Variants in ARPC1A observed in about 807,000 individuals in gnomAD.
ARPC1A encodes actin related protein 2/3 complex subunit 1A, also known as actin-related protein 2/3 complex subunit 1A.
ARPC1A carries 8 observed loss-of-function variants against 46.9 expected under a neutral mutation model. The ratio of observed to expected loss-of-function variants is 0.17; its 90% CI spans 0.10 to 0.31. The LOEUF is 0.31. ARPC1A is among the 10% of genes least tolerant of loss of function. ARPC1A has a pLI of 1.00. For synonymous variants in ARPC1A, 152 were observed against 169.0 expected, an observed-to-expected ratio of 0.90 and a Z score of 0.78; for missense variants, 286 against 483.6, an observed-to-expected ratio of 0.59 and a Z score of 3.83.
Position 99,340,603 on chromosome 7 carries a change from C to T in ARPC1A, c.169+2318C>T, listed in dbSNP as rs991059003. Among the ~76,000 whole-genome samples, 7 of 152,238 alleles carry T rather than the reference C, an allele frequency of 4.6e-5. No homozygotes were observed. The South Asian group carries it at 6.2e-4, about 13-fold the overall frequency. On this transcript the variant is annotated intron_variant, in intron 3 of 9. Transcript: ENST00000262942. ...TACTAAAGGTGTGCGCCAGCACACC[C>T]GGCTAATTTTTTTGTAAAGATAGAT...
At chr7:99,348,634 G>A (rs1026193797) in intron 4 of ARPC1A, among the ~76,000 whole-genome samples, 5 of 152,176 alleles carry the variant, frequency 3.3e-5, no homozygotes, top group African/African-American at 4.8e-5. Context: ...ACAGAAGAAC[G>A]TTGAATGCTC....
At chr7:99,342,386 C>T (rs28552500) in intron 3 of ARPC1A, among the ~76,000 whole-genome samples, 1 of 151,968 alleles carries the variant, frequency 6.6e-6, no homozygotes, top group Non-Finnish European at 1.5e-5. Context: ...AACCCCATCT[C>T]TACAAAAAAT....
In ARPC1A at chr7:99,348,922, G is replaced by A. The variant is rs751088038; in HGVS notation, c.463G>A (p.Val155Ile). ...CAGCTTGGATTGGCATCCCAACAAC[G>A]TTTTGCTGGCAGCAGGATCATGTGA... ...VLSLDWHPNN[V>I]LLAAGSCDFK... The change falls in exon 5 of 10, where the codon GTT (valine) becomes ATT (isoleucine). Residue 155 changes from valine (V) to isoleucine (I), a missense_variant. Physicochemically the swap from Val to Ile is conservative, Grantham distance 29 (BLOSUM62 3). Coordinates refer to ENST00000262942, the MANE Select transcript of ARPC1A (RefSeq NM_006409.4). The A allele has an allele frequency of 7.4e-6, 12 of 1,613,994 alleles. No individual in the cohort carries two copies. The highest frequency in any genetic ancestry group is 4.4e-5 in the South Asian group (4 of 91,084).
intron 8 of ARPC1A, among the ~76,000 whole-genome samples, chr7:99,360,835 G>A (rs1343043786): frequency 6.6e-6 from 1 of 151,454 alleles, no homozygotes; most frequent in African/African-American, 2.4e-5. Context: ...CAGCTACTCG[G>A]CAGGCTGAGG....
Position 99,355,139 on chromosome 7 carries a change from C to T in ARPC1A, c.713+1018C>T, listed in dbSNP as rs1169361223. 3.3e-5 allele frequency among the ~76,000 whole-genome samples: 5 copies of T among 149,834 alleles called. 1 individual carries two copies. The highest frequency in any genetic ancestry group is 7.4e-5 in the African/African-American group (3 of 40,714). ...CAAAAAAAAAAAAAAAAAATCAGCC[C>T]GGCATAGTGGCATATGCCTGTAATC... On this transcript the variant is annotated intron_variant, in intron 6 of 9. Transcript: ENST00000262942.
intron 1 of ARPC1A, among the ~76,000 whole-genome samples, chr7:99,329,239 T>G (rs1793104190): frequency 6.6e-6 from 1 of 150,610 alleles, no homozygotes; most frequent in South Asian, 2.1e-4. Context: ...AGGCAGAGTT[T>G]GCAGTGAGCC....
chr7:99,341,053 A>C (rs1313365933), intron 3 of ARPC1A, among the ~76,000 whole-genome samples: 1 of 152,238 alleles, frequency 6.6e-6, no homozygotes, highest in Non-Finnish European at 1.5e-5. Context: ...TCACACCTGT[A>C]ATCCCAACAC....
chr7:99,353,624 T>TTGC (rs1793583436), intron 5 of ARPC1A, among the ~76,000 whole-genome samples: 1 of 151,906 alleles, frequency 6.6e-6, no homozygotes, highest in Non-Finnish European at 1.5e-5. Context: ...ATTACAGGCA[T>TTGC]GCGCCCCCAC....
At chr7:99,351,565 G>A (rs186904196) in intron 5 of ARPC1A, among the ~76,000 whole-genome samples, 45 of 152,274 alleles carry the variant, frequency 3.0e-4, no homozygotes, top group African/African-American at 1.1e-3. Flanking sequence ...CTGAGTTGGT[G>A]GCTGAGAGCC....
At chr7:99,355,846 G>T (rs1320542763) in intron 6 of ARPC1A, among the ~76,000 whole-genome samples, 1 of 152,134 alleles carries the variant, frequency 6.6e-6, no homozygotes, top group African/African-American at 2.4e-5. Context: ...CTTACTGGGG[G>T]AAGTCAGCGA....
intron 7 of ARPC1A, 55 bp downstream of exon 7, chr7:99,358,470 G>T: frequency 6.7e-7 from 1 of 1,501,384 alleles, no homozygotes; most frequent in South Asian, 1.1e-5. Context: ...TGCTCAGACA[G>T]GGAACAATGT....
At chr7:99,356,242 G>A (rs1793626794) in intron 6 of ARPC1A, among the ~76,000 whole-genome samples, 1 of 152,168 alleles carries the variant, frequency 6.6e-6, no homozygotes, top group Non-Finnish European at 1.5e-5. Context: ...TGATATTTCA[G>A]ACATGATATG....
intron 1 of ARPC1A, among the ~76,000 whole-genome samples, chr7:99,328,133 G>C (rs778094262): frequency 6.6e-6 from 1 of 152,212 alleles, no homozygotes; most frequent in African/African-American, 2.4e-5. Context: ...CACTTTGAGA[G>C]GCTGAGGCGG....
intron 7 of ARPC1A, 118 bp downstream of exon 7, chr7:99,358,533 T>TA: frequency 9.2e-6 from 5 of 545,672 alleles, no homozygotes; most frequent in Non-Finnish European, 1.5e-5. Context: ...GAAACAGAGC[T>TA]CACTTTTTTT....
At chr7:99,343,371 C>T (rs760790239) in intron 3 of ARPC1A, among the ~76,000 whole-genome samples, 1 of 149,874 alleles carries the variant, frequency 6.7e-6, no homozygotes, top group Non-Finnish European at 1.5e-5. Flanking sequence ...GAGGCTGAGG[C>T]AGGAGAATCG....
intron 1 of ARPC1A, 39 bp downstream of exon 1, chr7:99,326,043 C>T (rs1428789661): frequency 6.6e-6 from 1 of 152,288 alleles, no homozygotes; most frequent in Non-Finnish European, 1.5e-5. Flanking sequence ...CCCTGTCGGC[C>T]TCTCTTGTCC....
intron 5 of ARPC1A, 23 bp downstream of exon 5, chr7:99,348,982 A>G (rs1793506733): frequency 1.3e-6 from 2 of 1,583,804 alleles, no homozygotes; most frequent in Non-Finnish European, 1.7e-6. Context: ...GAGAACTGAT[A>G]AACTTGAGCC....
chr7:99,342,529 A>G (rs911447591), intron 3 of ARPC1A, among the ~76,000 whole-genome samples: 1 of 151,962 alleles, frequency 6.6e-6, no homozygotes, highest in African/African-American at 2.4e-5. Context: ...TAGGTGATAA[A>G]GTGAGACCCT....
intron 3 of ARPC1A, 99 bp downstream of exon 3, chr7:99,338,384 T>C (rs1005181556): frequency 1.6e-4 from 113 of 728,384 alleles, no homozygotes; most frequent in Non-Finnish European, 2.1e-4. Flanking sequence ...CATAATTTTT[T>C]TTTTTTTTTT....
Sources: allele counts gnomAD v4.1 joint callset (sites outside exome capture counted in the v4.1 genomes callset), GRCh38; gene constraint gnomAD v4.1.1; transcripts MANE v1.5; gene names NCBI Gene and HGNC (gene_info 2026-07-23, HGNC 2026-07-21).